CSMD1: variants seen among roughly 807,000 people sequenced by gnomAD.
CSMD1 encodes CUB and sushi domain-containing protein 1.
Under a neutral mutation model 417.5 loss-of-function variants are expected in CSMD1, and 213 were observed. That is an observed-to-expected ratio of 0.51 (90% confidence interval 0.46 to 0.57). The LOEUF (loss-of-function observed/expected upper bound fraction) is 0.57. CSMD1 is among the 20% of genes least tolerant of loss of function. The pLI, the probability that CSMD1 is intolerant of heterozygous loss-of-function variation, is 0.00. For missense variants in CSMD1, 6,923 were observed against 4,529.7 expected (o/e 1.53, Z -15.17); for synonymous variants, 2,862 against 1,736.8 (o/e 1.65, Z -16.11).
At chr8:3,242,487 T>G (rs186152389) in intron 26 of CSMD1, among the ~76,000 whole-genome samples, 9 of 152,108 alleles carry the variant, frequency 5.9e-5, no homozygotes, top group Non-Finnish European at 1.2e-4. Context: ...ATTTGCCCAT[T>G]CTATGCCAAG....
intron 3 of CSMD1, among the ~76,000 whole-genome samples, chr8:4,353,323 A>G (rs1032897802): frequency 4.6e-5 from 7 of 152,096 alleles, no homozygotes; most frequent in African/African-American, 1.7e-4. Context: ...CCCTGCCACC[A>G]TGTAAGATGT....
rs193164958 is a variant in CSMD1, at chr8:4,898,053, G to A, written c.85+96279C>T. Among the ~76,000 whole-genome samples, 63 of 152,200 alleles carry A rather than the reference G, an allele frequency of 4.1e-4. 1 individual carries two copies. Among genetic ancestry groups the A allele is most frequent in the African/African-American group, 1.4e-3 (58 of 41,512 alleles). ...AAACAAGAAAATTAAAGAAAATTTG[G>A]TTTTATTAGTTGGAAATATTTAGAA... On this transcript the variant is annotated intron_variant, in intron 1 of 69. Coordinates refer to ENST00000635120, the MANE Select transcript of CSMD1 (RefSeq NM_033225.6).
intron 5 of CSMD1, among the ~76,000 whole-genome samples, chr8:3,808,822 C>T (rs967473264): frequency 1.3e-5 from 2 of 152,158 alleles, no homozygotes; most frequent in African/African-American, 4.8e-5. Flanking sequence ...GGCAGTAGAG[C>T]AAGGCTATTT....
At chr8:3,533,436 A>G (rs545905753) in intron 10 of CSMD1, among the ~76,000 whole-genome samples, 6 of 152,284 alleles carry the variant, frequency 3.9e-5, no homozygotes, top group Admixed American at 2.0e-4. Context: ...GTCAGCGTCT[A>G]TGAGTTTAAC....
intron 5 of CSMD1, among the ~76,000 whole-genome samples, chr8:3,755,874 G>C (rs7818268): frequency 0.2 from 30,759 of 151,844 alleles, 3,537 homozygotes; most frequent in South Asian, 0.3. Context: ...GTACTGGCTG[G>C]TGACAGCTGG....
At chr8:3,536,829 G>A (rs1454095500) in intron 10 of CSMD1, among the ~76,000 whole-genome samples, 1 of 152,176 alleles carries the variant, frequency 6.6e-6, no homozygotes, top group Non-Finnish European at 1.5e-5. Context: ...ATCCTTGGGT[G>A]TTCGGTCCCA....
intron 5 of CSMD1, among the ~76,000 whole-genome samples, chr8:3,778,967 GTTCTT>G (rs1401809652): frequency 3.9e-5 from 6 of 152,154 alleles, no homozygotes; most frequent in Admixed American, 6.5e-5. Flanking sequence ...CTTGGCTTGT[GTTCTT>G]TTCATTTGCA....
chr8:3,171,767 C>A (rs949745307), intron 37 of CSMD1, among the ~76,000 whole-genome samples: 1 of 152,176 alleles, frequency 6.6e-6, no homozygotes, highest in Non-Finnish European at 1.5e-5. Flanking sequence ...CAATATACTT[C>A]TATATCTAGC....
At chr8:4,231,127 A>T (rs985919380) in intron 3 of CSMD1, among the ~76,000 whole-genome samples, 1 of 152,240 alleles carries the variant, frequency 6.6e-6, no homozygotes, top group African/African-American at 2.4e-5. Flanking sequence ...GAACTACAGA[A>T]GAGTATTACG....
chr8:4,519,526 G>A (rs1233915716), intron 2 of CSMD1, among the ~76,000 whole-genome samples: 1 of 151,544 alleles, frequency 6.6e-6, no homozygotes, highest in Non-Finnish European at 1.5e-5. Flanking sequence ...GATCATCTGA[G>A]GTCAGGAGTT....
intron 3 of CSMD1, among the ~76,000 whole-genome samples, chr8:4,227,624 C>T (rs1312458832): frequency 6.6e-6 from 1 of 152,064 alleles, no homozygotes; most frequent in Non-Finnish European, 1.5e-5. Flanking sequence ...CAGTCAGACA[C>T]TCGGCCTTCT....
intron 48 of CSMD1, among the ~76,000 whole-genome samples, chr8:3,088,121 T>C (rs953346785): frequency 1.3e-5 from 2 of 152,218 alleles, no homozygotes; most frequent in African/African-American, 4.8e-5. Context: ...ATCATCCCTC[T>C]TTGTAAGGAG....
intron 1 of CSMD1, among the ~76,000 whole-genome samples, chr8:4,881,487 C>G (rs1169316876): frequency 1.3e-5 from 2 of 150,076 alleles, no homozygotes; most frequent in African/African-American, 2.5e-5. Context: ...TGCAATAAAC[C>G]CTTGCCTATA....
chr8:4,816,448 A>T (rs926349721), intron 1 of CSMD1, among the ~76,000 whole-genome samples: 3 of 152,022 alleles, frequency 2.0e-5, no homozygotes, highest in South Asian at 2.1e-4. Flanking sequence ...GGCTCGTCCC[A>T]AACTCCTGAC....
chr8:4,865,652 T>C (rs1267539481), intron 1 of CSMD1, among the ~76,000 whole-genome samples: 1 of 151,906 alleles, frequency 6.6e-6, no homozygotes, highest in Non-Finnish European at 1.5e-5. Context: ...ACTTCAATTT[T>C]GCATTTTTAT....
chr8:4,602,413 C>G (rs1191120036), intron 2 of CSMD1, among the ~76,000 whole-genome samples: 1 of 152,254 alleles, frequency 6.6e-6, no homozygotes, highest in Non-Finnish European at 1.5e-5. Context: ...AGATACGGAA[C>G]ACAGGAACAT....
intron 7 of CSMD1, among the ~76,000 whole-genome samples, chr8:3,690,176 G>A (rs1172095323): frequency 6.6e-6 from 1 of 152,102 alleles, no homozygotes; most frequent in East Asian, 1.9e-4. Context: ...CTGGGCAACA[G>A]GGCAAGGCCC....
chr8:4,437,056 A>T (rs946841299), intron 2 of CSMD1, among the ~76,000 whole-genome samples: 1 of 152,106 alleles, frequency 6.6e-6, no homozygotes, highest in Non-Finnish European at 1.5e-5. Flanking sequence ...CCTCAAGGTA[A>T]TTTAATGGGA....
At chr8:4,182,884 G>A (rs747821026) in intron 3 of CSMD1, among the ~76,000 whole-genome samples, 1 of 152,126 alleles carries the variant, frequency 6.6e-6, no homozygotes, top group Admixed American at 6.5e-5. Context: ...GTCTAGAACT[G>A]TATGTTTGAA....
Sources: allele counts gnomAD v4.1 joint callset (sites outside exome capture counted in the v4.1 genomes callset), GRCh38; gene constraint gnomAD v4.1.1; transcripts MANE v1.5; gene names NCBI Gene and HGNC (gene_info 2026-07-23, HGNC 2026-07-21).